TAAR1: variants seen among roughly 807,000 people sequenced by gnomAD.
TAAR1 encodes trace amine-associated receptor 1.
A neutral mutation model predicts 1.2 loss-of-function variants in TAAR1; 1 was observed. The observed-to-expected ratio is 0.81, with a 90% CI of 0.29 to 3.86. The LOEUF is 3.86. TAAR1 is among the 30% of genes most tolerant of loss of function. The probability of loss-of-function intolerance (pLI) is 0.18; values close to 1 mark genes in which losing one functional copy is unlikely to be tolerated. For synonymous variants in TAAR1, 153 were observed against 132.2 expected (o/e 1.16, Z -1.08); for missense variants, 445 against 405.6 (o/e 1.10, Z -0.83).
At position 132,644,225 on chromosome 6, in the gene TAAR1, C is replaced by A. The variant is rs114867655; in HGVS notation, c.*759G>T. On this transcript the variant is annotated 3_prime_UTR_variant, in exon 2 of 2. Transcript: ENST00000275216. ...TTACTCATAGCTCAAACCTCAGCATCATGCATTATATTTAGTTAATATGTG... is the reference window on the plus strand; with the variant it reads ...TTACTCATAGCTCAAACCTCAGCATAATGCATTATATTTAGTTAATATGTG... Among the ~76,000 whole-genome samples, 1 of 151,910 alleles carries A rather than the reference C, an allele frequency of 6.6e-6. No homozygotes were observed. The highest frequency in any genetic ancestry group is 1.5e-5 in the Non-Finnish European group (1 of 67,908).
Position 132,655,096 on chromosome 6 carries a change from C to T in TAAR1, c.-127+4034G>A, listed in dbSNP as rs1019271184. Among the ~76,000 whole-genome samples, 9 of 152,198 alleles carry T rather than the reference C, an allele frequency of 5.9e-5. No homozygotes were observed. In the South Asian group the frequency reaches 1.2e-3, roughly 21 times the overall value. ...GAAGCCATTTAACAAAATACAGTAG[C>T]AGCACAGGGAGGGGCCAAGTCAACT... On this transcript the variant is annotated intron_variant, in intron 1 of 1. Coordinates refer to ENST00000275216, the MANE Select transcript of TAAR1 (RefSeq NM_138327.4).
At position 132,645,952 on chromosome 6, in the gene TAAR1, A is replaced by T. The variant is rs150297388; in HGVS notation, c.52T>A (p.Trp18Arg). Residue 18 changes from tryptophan (W) to arginine (R), a missense_variant, in exon 2 of 2, where the codon TGG becomes AGG. Physicochemically the swap from Trp to Arg is moderately radical, Grantham distance 101. Coordinates refer to ENST00000275216, the MANE Select transcript of TAAR1 (RefSeq NM_138327.4). ...IINISCVKNN[W>R]SNDVRASLYS... The stretch of plus-strand genomic sequence containing the variant: ...AGGGAAGCACGGACATCATTTGACC[A>T]GTTGTTTTTCACACAGGAAATATTA... 5 of 1,610,064 alleles carry T rather than the reference A, an allele frequency of 3.1e-6. No homozygotes were observed. In the African/African-American group the frequency reaches 6.7e-5, roughly 21 times the overall value.
intron 1 of TAAR1, among the ~76,000 whole-genome samples, chr6:132,656,167 A>G (rs116987491): frequency 0.015 from 2,295 of 152,264 alleles, 29 homozygotes; most frequent in Non-Finnish European, 0.025. Flanking sequence ...AAAAACAACC[A>G]AACAAAAAGA....
intron 1 of TAAR1, among the ~76,000 whole-genome samples, chr6:132,658,226 G>C (rs1460246489): frequency 1.3e-5 from 2 of 152,146 alleles, no homozygotes; most frequent in East Asian, 3.9e-4. Context: ...CCAGGGTGAG[G>C]GGAAACAGCA....
chr6:132,654,927 C>T (rs67162940), intron 1 of TAAR1, among the ~76,000 whole-genome samples: 9,073 of 152,162 alleles, frequency 0.06, 312 homozygotes, highest in East Asian at 0.11. Context: ...AGGAAAGTCA[C>T]AGCATTAAAG....
rs1777621285 is a variant in TAAR1 at position 132,643,485 on chromosome 6, T to A, written c.*1499A>T. On this transcript the variant is annotated 3_prime_UTR_variant, in exon 2 of 2. Coordinates refer to ENST00000275216, the MANE Select transcript of TAAR1 (RefSeq NM_138327.4). Reference sequence around the variant, plus strand: ...TTAAAAACATAAAACATAATGTTTTTAAAAGTACTAGAGCAAAAATTGATA... The same window carrying A: ...TTAAAAACATAAAACATAATGTTTTAAAAAGTACTAGAGCAAAAATTGATA... Among the ~76,000 whole-genome samples, 1 of 151,994 alleles carries A rather than the reference T, an allele frequency of 6.6e-6. No homozygotes were observed.
In TAAR1 at chr6:132,645,703, T is replaced by C; in HGVS notation, c.301A>G (p.Ser101Gly). 6.2e-7 allele frequency: 1 copy of C among 1,613,652 alleles called. No homozygotes were observed. The highest frequency in any genetic ancestry group is 1.1e-5 in the South Asian group (1 of 91,062). Residue 101 changes from serine (S) to glycine (G), a missense_variant, in exon 2 of 2, where the codon AGC becomes GGC. Physicochemically the swap from Ser to Gly is moderately conservative, Grantham distance 56. Transcript: ENST00000275216. ...GCTGAGCTCAGCATAATGTCGGTGC[T>C]TGTGTGAATTTTACAGAAGACTTCT... Reference protein sequence around the residue: ...FGEVFCKIHTSTDIMLSSASI... With the variant: ...FGEVFCKIHTGTDIMLSSASI...
chr6:132,656,533 C>A (rs1777805677), intron 1 of TAAR1, among the ~76,000 whole-genome samples: 1 of 152,064 alleles, frequency 6.6e-6, no homozygotes, highest in Non-Finnish European at 1.5e-5. Context: ...ATATCTACAA[C>A]ATGTACTGAG....
intron 1 of TAAR1, among the ~76,000 whole-genome samples, chr6:132,647,636 GAAA>G (rs1777695901): frequency 9.6e-6 from 1 of 104,414 alleles, no homozygotes; most frequent in Non-Finnish European, 1.9e-5. Context: ...AAGAAAGAAA[GAAA>G]GAAAGAAAGA....
intron 1 of TAAR1, among the ~76,000 whole-genome samples, chr6:132,647,598 GAAAGAAAA>G (rs1480321009): frequency 3.5e-5 from 4 of 115,182 alleles, no homozygotes; most frequent in Admixed American, 3.0e-4. Flanking sequence ...GAAAGAAAGA[GAAAGAAAA>G]AAGAAAGAAA....
At position 132,646,051 on chromosome 6, in the gene TAAR1, A is replaced by T. The variant is rs778928545; in HGVS notation, c.-48T>A. On this transcript the variant is annotated 5_prime_UTR_variant, in exon 2 of 2. It removes the in-frame stop codon of an upstream open reading frame in the 5' UTR. Coordinates refer to ENST00000275216, the MANE Select transcript of TAAR1 (RefSeq NM_138327.4). ...TACTTTTCCCTTTGTGTGTTGATTTATCTTTTTCCCAAATCCATAATCAGG... is the reference window on the plus strand; with the variant it reads ...TACTTTTCCCTTTGTGTGTTGATTTTTCTTTTTCCCAAATCCATAATCAGG... 16 of 1,516,276 alleles carry T rather than the reference A, an allele frequency of 1.1e-5. No homozygotes were observed. Among genetic ancestry groups the T allele is most frequent in the African/African-American group, 1.4e-5 (1 of 71,646 alleles). The allele number at this position is 1,516,276 out of a possible 1,614,324, so 93.9% of individuals were successfully genotyped here. A position where few individuals can be genotyped will look rare whatever the true frequency, so the allele number is the denominator to read the frequency against.
chr6:132,657,667 G>A (rs1034746975), intron 1 of TAAR1, among the ~76,000 whole-genome samples: 1 of 152,010 alleles, frequency 6.6e-6, no homozygotes, highest in South Asian at 2.1e-4. Flanking sequence ...AGTATGGAAT[G>A]GAATACTCCA....
intron 1 of TAAR1, among the ~76,000 whole-genome samples, chr6:132,649,683 C>A (rs1777729503): frequency 6.6e-6 from 1 of 152,068 alleles, no homozygotes; most frequent in Admixed American, 6.6e-5. Flanking sequence ...GGGTAAAAGC[C>A]CCTTAGAAAA....
chr6:132,650,523 C>T (rs1044979843), intron 1 of TAAR1, among the ~76,000 whole-genome samples: 3 of 152,224 alleles, frequency 2.0e-5, no homozygotes, highest in Non-Finnish European at 4.4e-5. Flanking sequence ...TTCCTCTCCT[C>T]TCTGAGATGA....
intron 1 of TAAR1, among the ~76,000 whole-genome samples, chr6:132,655,376 C>CTTT (rs6149815): frequency 2.2e-5 from 3 of 133,342 alleles, no homozygotes; most frequent in South Asian, 4.8e-4. Context: ...TTCATTCATT[C>CTTT]TTTTTTTTTT....
At position 132,657,546 on chromosome 6, in the gene TAAR1, C is replaced by A. The variant is rs79632203; in HGVS notation, c.-127+1584G>T. On this transcript the variant is annotated intron_variant, in intron 1 of 1. Coordinates refer to ENST00000275216, the MANE Select transcript of TAAR1 (RefSeq NM_138327.4). The stretch of plus-strand genomic sequence containing the variant: ...ATTTAAAAATATACAATTATGTATT[C>A]TAAAATATCATATGTCAATATATTG... Among the ~76,000 whole-genome samples the A allele has an allele frequency of 6.3e-4, 95 of 151,876 alleles. 1 individual carries two copies. In the East Asian group the frequency reaches 0.016, roughly 26 times the overall value.
intron 1 of TAAR1, among the ~76,000 whole-genome samples, chr6:132,652,132 T>G (rs1483157238): frequency 5.3e-5 from 8 of 152,086 alleles, no homozygotes; most frequent in Non-Finnish European, 4.4e-5. Context: ...AAACTACAAA[T>G]CTGGAGCTCT....
Position 132,645,843 on chromosome 6 carries a change from A to G in TAAR1, c.161T>C (p.Leu54Pro), listed in dbSNP as rs1777665262. The change falls in exon 2 of 2, where the codon CTT becomes CCT. Residue 54 changes from leucine (L) to proline (P), a missense_variant. Coordinates refer to ENST00000275216, the MANE Select transcript of TAAR1 (RefSeq NM_138327.4). ...VIVSISHFKQ[L>P]HTPTNWLIHS... ...AATGAGCCAATTTGTTGGGGTATGAAGTTGTTTGAAGTGTGATATAGAAAC... is the reference window on the plus strand; with the variant it reads ...AATGAGCCAATTTGTTGGGGTATGAGGTTGTTTGAAGTGTGATATAGAAAC... The G allele has an allele frequency of 1.2e-6, 2 of 1,613,684 alleles. No homozygotes were observed. Among genetic ancestry groups the G allele is most frequent in the Admixed American group, 3.3e-5 (2 of 59,940 alleles).
At position 132,646,066 on chromosome 6, in the gene TAAR1, C is replaced by G; in HGVS notation, c.-63G>C. On this transcript the variant is annotated 5_prime_UTR_variant, in exon 2 of 2. Transcript: ENST00000275216. ...GTGTTGATTTATCTTTTTCCCAAATCCATAATCAGGTTACAGTTCCTTCTC... is the reference window on the plus strand; with the variant it reads ...GTGTTGATTTATCTTTTTCCCAAATGCATAATCAGGTTACAGTTCCTTCTC... The G allele has an allele frequency of 6.7e-7, 1 of 1,495,934 alleles. No homozygotes were observed. The highest frequency in any genetic ancestry group is 9.0e-7 in the Non-Finnish European group (1 of 1,113,706). The allele number at this position is 1,495,934 out of a possible 1,614,324, so 92.7% of individuals were successfully genotyped here. A position where few individuals can be genotyped will look rare whatever the true frequency, so the allele number is the denominator to read the frequency against.
Sources: gnomAD v4.1 joint callset for allele counts (sites outside exome capture counted in the v4.1 genomes callset) on GRCh38, gnomAD v4.1.1 for gene constraint, MANE v1.5 for transcripts, NCBI Gene and HGNC (gene_info 2026-07-23, HGNC 2026-07-21) for gene names.